Variants in TJP1 observed in about 807,000 individuals in gnomAD.
TJP1 encodes tight junction protein ZO-1.
Under a neutral mutation model 194.2 loss-of-function variants are expected in TJP1, and 43 were observed. The ratio of observed to expected loss-of-function variants is 0.22; its 90% CI spans 0.17 to 0.29. TJP1 has a LOEUF of 0.29. Ranked by LOEUF, TJP1 falls within the 10% of genes least tolerant of loss-of-function variation. The probability of loss-of-function intolerance (pLI) is 1.00; values close to 1 mark genes in which losing one functional copy is unlikely to be tolerated. For synonymous variants in TJP1, 801 were observed against 779.0 expected, an observed-to-expected ratio of 1.03 and a Z score of -0.47; for missense variants, 1,971 against 2,185.7, an observed-to-expected ratio of 0.90 and a Z score of 1.96.
intron 2 of TJP1, among the ~76,000 whole-genome samples, chr15:29,931,255 G>A (rs75195268): frequency 6.6e-6 from 1 of 152,100 alleles, no homozygotes; most frequent in Non-Finnish European, 1.5e-5. Context: ...GGCTGCAGAG[G>A]AGGAGGAAGA....
intron 2 of TJP1, among the ~76,000 whole-genome samples, chr15:29,951,497 T>G (rs112867330): frequency 5.6e-4 from 85 of 152,122 alleles, no homozygotes; most frequent in Non-Finnish European, 9.4e-4. Flanking sequence ...GAGAAAGAAG[T>G]GTCTTTTCAA....
chr15:29,772,282 AATTT>A lies in TJP1; in HGVS notation c.210-120_210-117del, dbSNP rs1259083904. On this transcript the variant is annotated intron_variant, in intron 3 of 27. Coordinates refer to ENST00000614355, the MANE Select transcript of TJP1 (RefSeq NM_001330239.4). The stretch of plus-strand genomic sequence containing the variant: ...TAATCTAATTATGAGCCAATTAATT[AATTT>A]CTCTTCAGATCAATGATAAAATAAT... 1.6e-5 allele frequency: 10 copies of A among 606,528 alleles called. No individual in the cohort carries two copies. The African/African-American group carries it at 2.0e-4, about 12-fold the overall frequency. 37.6% of individuals were successfully genotyped at this position (606,528 alleles called of 1,614,324 possible). A position where few individuals can be genotyped will look rare whatever the true frequency, so the allele number is the denominator to read the frequency against.
At chr15:29,914,420 A>T (rs1567191828) in intron 2 of TJP1, among the ~76,000 whole-genome samples, 1 of 152,176 alleles carries the variant, frequency 6.6e-6, no homozygotes, top group Non-Finnish European at 1.5e-5. Context: ...AGCCTGGAGA[A>T]AGCCAGGCAG....
chr15:29,759,457 CAT>C (rs1241232502), intron 8 of TJP1: 6 of 152,262 alleles, frequency 3.9e-5, no homozygotes, highest in African/African-American at 1.4e-4. Flanking sequence ...ATCCATACCT[CAT>C]AGTTACTTTT....
chr15:29,860,411 C>T (rs2052031664), intron 2 of TJP1, among the ~76,000 whole-genome samples: 1 of 152,130 alleles, frequency 6.6e-6, no homozygotes, highest in Admixed American at 6.5e-5. Context: ...AGACACTTCG[C>T]CCTTGCCCTA....
chr15:29,762,279 A>G (rs1403101056), intron 6 of TJP1, 56 bp downstream of exon 6: 39 of 1,424,056 alleles, frequency 2.7e-5, no homozygotes, highest in Non-Finnish European at 3.3e-5. Context: ...ACTACATGGT[A>G]ACTCTAGAAC....
In TJP1 at chr15:29,761,131, T is replaced by A. The variant is rs1284034407; in HGVS notation, c.1010+8A>T. 1 of 1,580,032 alleles carries A rather than the reference T, an allele frequency of 6.3e-7. No individual in the cohort carries two copies. Among genetic ancestry groups the A allele is most frequent in the Middle Eastern group, 1.7e-4 (1 of 5,982 alleles). The stretch of plus-strand genomic sequence containing the variant: ...CCCTGTATTTTTTAAAAAAATAGGG[T>A]GTCTTACCTGCCATTGCTTGGCTGC... On this transcript the variant is annotated splice_region_variant and intron_variant, in intron 8 of 27. Coordinates refer to ENST00000614355, the MANE Select transcript of TJP1 (RefSeq NM_001330239.4).
intron 2 of TJP1, among the ~76,000 whole-genome samples, chr15:29,800,064 A>C (rs2048682782): frequency 6.6e-6 from 1 of 152,222 alleles, no homozygotes; most frequent in Admixed American, 6.5e-5. Context: ...TTCGAAGGTG[A>C]CTGAATCACT....
At chr15:29,723,089 T>C (rs914449078) in intron 18 of TJP1, among the ~76,000 whole-genome samples, 14 of 152,332 alleles carry the variant, frequency 9.2e-5, no homozygotes, top group African/African-American at 2.9e-4. Flanking sequence ...GATGAGACTT[T>C]GAACTTCTGA....
chr15:29,808,466 T>C (rs1346211474), intron 1 of TJP1, among the ~76,000 whole-genome samples: 1 of 152,220 alleles, frequency 6.6e-6, no homozygotes, highest in Non-Finnish European at 1.5e-5. Context: ...TGTACACCTA[T>C]GATTTGCCTA....
intron 2 of TJP1, among the ~76,000 whole-genome samples, chr15:29,799,923 G>C (rs1396875648): frequency 1.3e-5 from 2 of 152,136 alleles, no homozygotes; most frequent in African/African-American, 4.8e-5. Context: ...CTCTAAGAAA[G>C]GGAGTAATCA....
intron 2 of TJP1, among the ~76,000 whole-genome samples, chr15:29,827,752 A>G (rs1022391145): frequency 6.6e-6 from 1 of 152,156 alleles, no homozygotes; most frequent in African/African-American, 2.4e-5. Flanking sequence ...GAAGAAAAGA[A>G]AAAGCTTTAG....
chr15:29,819,857 T>A (rs2050204738), intron 1 of TJP1, among the ~76,000 whole-genome samples: 1 of 152,232 alleles, frequency 6.6e-6, no homozygotes, highest in African/African-American at 2.4e-5. Context: ...GAGAAACATT[T>A]AGTAGTATAT....
intron 2 of TJP1, among the ~76,000 whole-genome samples, chr15:29,782,930 A>AT (rs2047462978): frequency 6.6e-6 from 1 of 150,432 alleles, no homozygotes; most frequent in Admixed American, 6.6e-5. Context: ...GCCAATAATC[A>AT]TATGAAAAAA....
intron 11 of TJP1, among the ~76,000 whole-genome samples, chr15:29,736,617 T>C (rs1033480430): frequency 1.3e-5 from 2 of 152,214 alleles, no homozygotes; most frequent in African/African-American, 4.8e-5. Context: ...TGGTACTATG[T>C]CACTAGGTGA....
intron 4 of TJP1, among the ~76,000 whole-genome samples, chr15:29,766,899 T>TA (rs1411797028): frequency 6.6e-6 from 1 of 152,222 alleles, no homozygotes; most frequent in East Asian, 1.9e-4. Context: ...TGCCATCAAA[T>TA]ATACTCTAGG....
At chr15:29,703,464 A>G (rs1235605265) in intron 27 of TJP1, among the ~76,000 whole-genome samples, 1 of 152,104 alleles carries the variant, frequency 6.6e-6, no homozygotes, top group East Asian at 1.9e-4. Context: ...ACAAACAAAC[A>G]AAAAATAAAT....
intron 18 of TJP1, among the ~76,000 whole-genome samples, chr15:29,721,500 A>C (rs950406025): frequency 6.6e-6 from 1 of 152,166 alleles, no homozygotes; most frequent in Non-Finnish European, 1.5e-5. Context: ...ACTGTGAGCC[A>C]ATGAAACCTT....
At chr15:29,800,505 G>T in intron 2 of TJP1, 141 bp downstream of exon 2, 2 of 724,148 alleles carry the variant, frequency 2.8e-6, no homozygotes, top group South Asian at 1.9e-5. Context: ...AAAAATTATT[G>T]TAACTCTAAT....
Sources: allele counts gnomAD v4.1 joint callset (sites outside exome capture counted in the v4.1 genomes callset), GRCh38; gene constraint gnomAD v4.1.1; transcripts MANE v1.5; gene names NCBI Gene and HGNC (gene_info 2026-07-23, HGNC 2026-07-21).